MSANTD5: variants seen among roughly 807,000 people sequenced by gnomAD.
MSANTD5 encodes the protein uncharacterized protein MSANTD5.
chr5:178,705,019 G>A, the MSANTD5 span, among the ~76,000 whole-genome samples: 2 of 152,104 alleles, frequency 1.3e-5, no homozygotes, highest in Admixed American at 6.5e-5. Flanking sequence ...CTTGCAGTGG[G>A]TGCTGGGTAT....
At chr5:178,694,022 AAAT>A (rs1218839296), downstream of MSANTD5, among the ~76,000 whole-genome samples, 1 of 152,044 alleles carries the variant, frequency 6.6e-6, no homozygotes, top group Non-Finnish European at 1.5e-5. Context: ...CAGAAACATG[AAAT>A]AAAAGTTCTG....
chr5:178,697,925 A>T (rs1254307916), upstream of MSANTD5, among the ~76,000 whole-genome samples: 1 of 152,224 alleles, frequency 6.6e-6, no homozygotes, highest in Non-Finnish European at 1.5e-5. Context: ...TAACTGCAAC[A>T]GGGAAATTGG....
chr5:178,706,436 G>C, the MSANTD5 span, among the ~76,000 whole-genome samples: 1 of 152,042 alleles, frequency 6.6e-6, no homozygotes, highest in Non-Finnish European at 1.5e-5. Flanking sequence ...TGCTGGGATG[G>C]TGGCAGAGGG....
At chr5:178,697,933 T>A (rs1581734021), upstream of MSANTD5, among the ~76,000 whole-genome samples, 1 of 152,304 alleles carries the variant, frequency 6.6e-6, no homozygotes, top group Middle Eastern at 3.4e-3. Flanking sequence ...ACAGGGAAAT[T>A]GGAGATCAAC....
At chr5:178,702,212 G>A (rs1485841967), upstream of MSANTD5, among the ~76,000 whole-genome samples, 1 of 151,692 alleles carries the variant, frequency 6.6e-6, no homozygotes, top group Non-Finnish European at 1.5e-5. Flanking sequence ...AAGGGAAATC[G>A]ATCTAAGAGC....
At chr5:178,693,051 G>C (rs369289687), downstream of MSANTD5, among the ~76,000 whole-genome samples, 1 of 151,782 alleles carries the variant, frequency 6.6e-6, no homozygotes, top group Non-Finnish European at 1.5e-5. Context: ...AGCTCACGTC[G>C]GTAATCCCAG....
chr5:178,707,369 G>A, the MSANTD5 span, among the ~76,000 whole-genome samples: 2 of 151,886 alleles, frequency 1.3e-5, no homozygotes, highest in African/African-American at 4.8e-5. Context: ...GCAGAATATG[G>A]ATAGGACACC....
upstream of MSANTD5, among the ~76,000 whole-genome samples, chr5:178,698,749 CTTTTTTTTTTTT>C (rs70997624): frequency 2.4e-3 from 236 of 98,790 alleles, 1 homozygote; most frequent in African/African-American, 8.5e-3. Flanking sequence ...CATGCTTGGC[CTTTTTTTTTTTT>C]TTTTTTTTTT....
downstream of MSANTD5, among the ~76,000 whole-genome samples, chr5:178,694,428 A>G (rs1190955294): frequency 1.3e-5 from 2 of 152,016 alleles, no homozygotes; most frequent in Non-Finnish European, 2.9e-5. Context: ...AGGAGCTTCC[A>G]TGCAGGAAGC....
chr5:178,691,740 G>A (rs977755630), downstream of MSANTD5, among the ~76,000 whole-genome samples: 6 of 136,520 alleles, frequency 4.4e-5, no homozygotes, highest in African/African-American at 7.9e-5. Flanking sequence ...AAACCATGAA[G>A]AGCCATGTCA....
At chr5:178,697,426 C>T (rs1765430659) in intron 1 of MSANTD5, among the ~76,000 whole-genome samples, 160 bp downstream of exon 1, 2 of 152,158 alleles carry the variant, frequency 1.3e-5, no homozygotes, top group African/African-American at 4.8e-5. Flanking sequence ...TGCACTCCAG[C>T]CTGGGCGACA....
chr5:178,704,324 A>G, the MSANTD5 span, among the ~76,000 whole-genome samples: 1 of 152,196 alleles, frequency 6.6e-6, no homozygotes, highest in Non-Finnish European at 1.5e-5. Context: ...GAGATGATTA[A>G]GACTAGCTGA....
At chr5:178,695,482 T>C (rs1280169107) in exon 3 of MSANTD5, 3 of 152,092 alleles carry the variant, frequency 2.0e-5, no homozygotes, top group Non-Finnish European at 4.4e-5. Flanking sequence ...CGCTGAGCAA[T>C]TGCTTTTGAT....
At chr5:178,697,432 C>G (rs1043254551) in intron 1 of MSANTD5, among the ~76,000 whole-genome samples, 154 bp downstream of exon 1, 3 of 151,998 alleles carry the variant, frequency 2.0e-5, no homozygotes, top group Non-Finnish European at 4.4e-5. Flanking sequence ...CCAGCCTGGG[C>G]GACAGAGCGA....
downstream of MSANTD5, among the ~76,000 whole-genome samples, chr5:178,694,298 CA>C (rs1765387013): frequency 7.8e-6 from 1 of 127,818 alleles, no homozygotes; most frequent in Admixed American, 9.5e-5. Flanking sequence ...CCTGGGCAAC[CA>C]AGTGAGACTC....
At chr5:178,698,969 C>T (rs930372419), upstream of MSANTD5, among the ~76,000 whole-genome samples, 7 of 151,864 alleles carry the variant, frequency 4.6e-5, 1 homozygote, top group Admixed American at 3.3e-4. Flanking sequence ...CTAAAAATAC[C>T]ACCATCTCTT....
the MSANTD5 span, among the ~76,000 whole-genome samples, chr5:178,705,835 T>TAGTCCC: frequency 6.6e-6 from 1 of 151,996 alleles, no homozygotes; most frequent in Non-Finnish European, 1.5e-5. Context: ...TGGGCGCCTG[T>TAGTCCC]AGTCCCAGCT....
chr5:178,692,164 G>A (rs1217528256), downstream of MSANTD5, among the ~76,000 whole-genome samples: 2 of 133,468 alleles, frequency 1.5e-5, 1 homozygote, highest in Non-Finnish European at 3.4e-5. Context: ...TGGACCACCT[G>A]AGCTCAAGAG....
downstream of MSANTD5, among the ~76,000 whole-genome samples, chr5:178,692,995 T>G (rs540070248): frequency 1.3e-5 from 2 of 151,862 alleles, no homozygotes; most frequent in Non-Finnish European, 2.9e-5. Context: ...TATAATTATC[T>G]CAAAATAATG....
Sources: gnomAD v4.1 joint callset for allele counts (sites outside exome capture counted in the v4.1 genomes callset) on GRCh38, gnomAD v4.1.1 for gene constraint, MANE v1.5 for transcripts, NCBI Gene and HGNC (gene_info 2026-07-23, HGNC 2026-07-21) for gene names.